Variants in ASIC2 observed in about 807,000 individuals in gnomAD.
ASIC2 encodes acid-sensing ion channel 2.
Under a neutral mutation model 57.3 loss-of-function variants are expected in ASIC2, and 25 were observed. The observed-to-expected ratio is 0.44, with a 90% CI of 0.32 to 0.61. ASIC2 has a LOEUF of 0.61. ASIC2 is among the 20% of genes least tolerant of loss of function. The pLI is 0.06. For synonymous variants in ASIC2, 319 were observed against 307.5 expected (o/e 1.04, Z -0.39); for missense variants, 641 against 738.1 (o/e 0.87, Z 1.52).
intron 1 of ASIC2, among the ~76,000 whole-genome samples, chr17:33,144,482 C>T (rs1402490528): frequency 6.6e-6 from 1 of 152,158 alleles, no homozygotes; most frequent in Non-Finnish European, 1.5e-5. Flanking sequence ...CACTTGAACC[C>T]TGTGAGATAC....
chr17:33,930,472 C>A (rs1411999002), intron 1 of ASIC2, among the ~76,000 whole-genome samples: 1 of 152,166 alleles, frequency 6.6e-6, no homozygotes, highest in Non-Finnish European at 1.5e-5. Flanking sequence ...AGATGTTAGT[C>A]CCCATCGTGC....
chr17:34,086,022 T>A (rs1306823738), intron 1 of ASIC2, among the ~76,000 whole-genome samples: 1 of 151,844 alleles, frequency 6.6e-6, no homozygotes, highest in Non-Finnish European at 1.5e-5. Context: ...GAAGGGTTTT[T>A]TGTGTCTCTG....
intron 1 of ASIC2, among the ~76,000 whole-genome samples, chr17:33,570,731 T>C (rs1196131785): frequency 1.3e-5 from 2 of 152,166 alleles, no homozygotes; most frequent in African/African-American, 2.4e-5. Flanking sequence ...CTACCATCAA[T>C]TTAGGAGCTC....
At chr17:33,275,047 T>C (rs951908093) in intron 1 of ASIC2, among the ~76,000 whole-genome samples, 13 of 152,164 alleles carry the variant, frequency 8.5e-5, no homozygotes, top group Non-Finnish European at 1.5e-4. Context: ...TCAGGGTACC[T>C]GGGAGGCCCA....
intron 1 of ASIC2, among the ~76,000 whole-genome samples, chr17:34,083,706 T>C (rs1293862057): frequency 6.6e-6 from 1 of 152,196 alleles, no homozygotes; most frequent in African/African-American, 2.4e-5. Flanking sequence ...TTTTTAATGA[T>C]TGCCATTCTA....
chr17:33,628,227 A>G (rs1311117550), intron 1 of ASIC2, among the ~76,000 whole-genome samples: 3 of 151,646 alleles, frequency 2.0e-5, no homozygotes, highest in East Asian at 1.9e-4. Context: ...GTTTCTTCCA[A>G]GTTCTTTCTG....
In ASIC2 at chr17:33,025,200, G is replaced by A. The variant is rs1296069580; in HGVS notation, c.1195+726C>T. Among the ~76,000 whole-genome samples the A allele has an allele frequency of 4.6e-5, 7 of 152,282 alleles. No individual in the cohort carries two copies. In the East Asian group the frequency reaches 1.4e-3, roughly 30 times the overall value. On this transcript the variant is annotated intron_variant, in intron 5 of 9. Coordinates refer to ENST00000225823, the MANE Select transcript of ASIC2 (RefSeq NM_183377.2). ...TGAGGGCACATTGTTTAAAAAGTCT[G>A]CTTGTCTTGATTATAAGCCATTTCC...
At chr17:33,613,388 T>C (rs77682658) in intron 1 of ASIC2, among the ~76,000 whole-genome samples, 6 of 140,704 alleles carry the variant, frequency 4.3e-5, no homozygotes, top group African/African-American at 1.0e-4. Flanking sequence ...TTTTTTTTTT[T>C]CCTTCCTGCT....
At chr17:33,844,003 G>A (rs553921386) in intron 1 of ASIC2, among the ~76,000 whole-genome samples, 17 of 152,116 alleles carry the variant, frequency 1.1e-4, no homozygotes, top group Non-Finnish European at 2.2e-4. Context: ...TAATTCTCCA[G>A]ATATAGAGGT....
At chr17:33,907,179 G>A (rs904581088) in intron 1 of ASIC2, among the ~76,000 whole-genome samples, 15 of 152,158 alleles carry the variant, frequency 9.9e-5, no homozygotes, top group African/African-American at 1.7e-4. Context: ...CCCTTGAAGC[G>A]GAGGTCCTGT....
intron 1 of ASIC2, among the ~76,000 whole-genome samples, chr17:33,176,324 A>G (rs1905756198): frequency 2.0e-5 from 3 of 152,136 alleles, no homozygotes; most frequent in Non-Finnish European, 4.4e-5. Context: ...AGCCTGGCAC[A>G]TCGTAGGGGC....
chr17:33,612,720 C>G (rs949475718), intron 1 of ASIC2, among the ~76,000 whole-genome samples: 1 of 152,224 alleles, frequency 6.6e-6, no homozygotes, highest in Non-Finnish European at 1.5e-5. Flanking sequence ...CTTGAAGCAA[C>G]AAGAGGGAAG....
At chr17:33,907,177 GC>G (rs1248550039) in intron 1 of ASIC2, among the ~76,000 whole-genome samples, 4 of 152,190 alleles carry the variant, frequency 2.6e-5, no homozygotes, top group Non-Finnish European at 5.9e-5. Flanking sequence ...AACCCTTGAA[GC>G]GGAGGTCCTG....
intron 1 of ASIC2, among the ~76,000 whole-genome samples, chr17:33,471,400 TA>T (rs1262106024): frequency 6.6e-6 from 1 of 152,234 alleles, no homozygotes; most frequent in Non-Finnish European, 1.5e-5. Context: ...TTTCATTAAT[TA>T]TTTCTTTTCT....
intron 1 of ASIC2, among the ~76,000 whole-genome samples, chr17:34,017,011 T>C (rs1907002587): frequency 6.6e-6 from 1 of 152,226 alleles, no homozygotes; most frequent in Non-Finnish European, 1.5e-5. Flanking sequence ...TAAATAGCAA[T>C]AGTTTCATCA....
chr17:33,790,203 G>A (rs1911728948), intron 1 of ASIC2, among the ~76,000 whole-genome samples: 1 of 152,146 alleles, frequency 6.6e-6, no homozygotes, highest in Non-Finnish European at 1.5e-5. Context: ...TCTTGAATTT[G>A]TAAGACCTGG....
At chr17:33,797,223 A>G (rs898154531) in intron 1 of ASIC2, among the ~76,000 whole-genome samples, 4 of 152,198 alleles carry the variant, frequency 2.6e-5, no homozygotes, top group Non-Finnish European at 5.9e-5. Context: ...TGGGTCTTAC[A>G]TGATGAGCAA....
At chr17:33,458,588 A>C (rs896893345) in intron 1 of ASIC2, among the ~76,000 whole-genome samples, 4 of 152,150 alleles carry the variant, frequency 2.6e-5, no homozygotes, top group African/African-American at 9.7e-5. Flanking sequence ...CCTCCTCTGC[A>C]TAATGGGTTG....
At chr17:33,174,418 CAA>C (rs545016244) in intron 1 of ASIC2, among the ~76,000 whole-genome samples, 270 of 121,916 alleles carry the variant, frequency 2.2e-3, no homozygotes, top group Middle Eastern at 4.7e-3. Context: ...AAGACTCCAT[CAA>C]AAAAAAAAAA....
Sources: gnomAD v4.1 joint callset for allele counts (sites outside exome capture counted in the v4.1 genomes callset) on GRCh38, gnomAD v4.1.1 for gene constraint, MANE v1.5 for transcripts, NCBI Gene and HGNC (gene_info 2026-07-23, HGNC 2026-07-21) for gene names.